PRDM16: variants seen among roughly 807,000 people sequenced by gnomAD.
The protein encoded by PRDM16 is histone-lysine N-methyltransferase PRDM16.
A neutral mutation model predicts 110.6 loss-of-function variants in PRDM16; 23 were observed. The ratio of observed to expected loss-of-function variants is 0.21; its 90% CI spans 0.15 to 0.29. The LOEUF (loss-of-function observed/expected upper bound fraction) is 0.29, where lower values mean the gene tolerates loss of function less well. Among genes scored for constraint, PRDM16 ranks in the 10% least tolerant of loss-of-function variants. The probability of loss-of-function intolerance (pLI) is 1.00; values close to 1 mark genes in which losing one functional copy is unlikely to be tolerated. For synonymous variants in PRDM16, 799 were observed against 781.8 expected, an observed-to-expected ratio of 1.02 and a Z score of -0.37; for missense variants, 1,615 against 1,794.3, an observed-to-expected ratio of 0.90 and a Z score of 1.81.
chr1:3,321,954 A>G (rs991273314), intron 3 of PRDM16, among the ~76,000 whole-genome samples: 9 of 149,738 alleles, frequency 6.0e-5, no homozygotes, highest in African/African-American at 2.0e-4. Flanking sequence ...GCATGCATGT[A>G]TGTACATGAG....
chr1:3,180,503 T>C (rs1308541424), intron 1 of PRDM16, among the ~76,000 whole-genome samples: 1 of 151,996 alleles, frequency 6.6e-6, no homozygotes, highest in Non-Finnish European at 1.5e-5. Context: ...CTTGGCCCCA[T>C]AGAGAGGTGT....
chr1:3,202,921 G>T (rs1638666749), intron 2 of PRDM16, among the ~76,000 whole-genome samples: 1 of 152,234 alleles, frequency 6.6e-6, no homozygotes, highest in Non-Finnish European at 1.5e-5. Context: ...AAGAGGTGCA[G>T]AGACGAAGAA....
At chr1:3,218,045 G>T (rs1268043156) in intron 2 of PRDM16, among the ~76,000 whole-genome samples, 1 of 152,244 alleles carries the variant, frequency 6.6e-6, no homozygotes, top group Non-Finnish European at 1.5e-5. Flanking sequence ...AGGCCCTGGG[G>T]CGAGCCCCTC....
chr1:3,425,477 G>C lies in PRDM16; in HGVS notation c.2940-104G>C. ...GACACGGCGGGGCAAAGCTGTGCAC[G>C]GGGCACGGGGCAGGGGCGCGGGCTC... On this transcript the variant is annotated intron_variant, in intron 12 of 16. Coordinates refer to ENST00000270722, the MANE Select transcript of PRDM16 (RefSeq NM_022114.4). The surrounding 1 kb of genome is among the most constrained non-coding windows in gnomAD (Gnocchi z 6.9). The C allele has an allele frequency of 5.5e-6, 7 of 1,268,306 alleles. No homozygotes were observed. The highest frequency in any genetic ancestry group is 7.7e-6 in the Non-Finnish European group (7 of 912,620). The allele number at this position is 1,268,306 out of a possible 1,614,324, so 78.6% of individuals were successfully genotyped here.
intron 1 of PRDM16, among the ~76,000 whole-genome samples, chr1:3,103,603 C>T (rs1466824124): frequency 6.6e-6 from 1 of 152,188 alleles, no homozygotes; most frequent in Admixed American, 6.5e-5. Context: ...GCAGAAACAC[C>T]TGTGGAGGGT....
chr1:3,417,320 C>T (rs1357511168), intron 10 of PRDM16, among the ~76,000 whole-genome samples: 3 of 152,212 alleles, frequency 2.0e-5, no homozygotes, highest in Non-Finnish European at 2.9e-5. Context: ...GTTCTGCAGG[C>T]CCACAATCTA....
intron 1 of PRDM16, among the ~76,000 whole-genome samples, chr1:3,136,147 G>A (rs1451852242): frequency 6.6e-6 from 1 of 152,168 alleles, no homozygotes; most frequent in East Asian, 1.9e-4. Context: ...GCCTCGCCAT[G>A]GGACCACCAG....
At chr1:3,388,661 T>TG (rs1172200730) in intron 4 of PRDM16, among the ~76,000 whole-genome samples, 1 of 152,236 alleles carries the variant, frequency 6.6e-6, no homozygotes, top group Non-Finnish European at 1.5e-5. Flanking sequence ...GATATTCAGA[T>TG]GGGGACCCAG....
rs2100359455 is a variant in PRDM16, at chr1:3,291,605, G to A, written c.438+47468G>A. ...ATCCCCTCTTGAAGGGGCCTCACCA[G>A]GCCATGGGCTCCCTATTAAGTAATC... On this transcript the variant is annotated intron_variant, in intron 3 of 16. Transcript: ENST00000270722. Among the ~76,000 whole-genome samples the A allele has an allele frequency of 2.0e-5, 3 of 152,328 alleles. No homozygotes were observed. The South Asian group carries it at 6.2e-4, about 32-fold the overall frequency.
chr1:3,279,719 A>G (rs954030863), intron 3 of PRDM16, among the ~76,000 whole-genome samples: 13 of 152,220 alleles, frequency 8.5e-5, no homozygotes, highest in Admixed American at 7.8e-4. Flanking sequence ...GGGATGGTGG[A>G]GGAAGGAAGG....
intron 3 of PRDM16, among the ~76,000 whole-genome samples, chr1:3,378,860 T>C (rs1057232139): frequency 1.3e-5 from 2 of 151,988 alleles, no homozygotes; most frequent in African/African-American, 4.8e-5. Context: ...AGAAAAGCAG[T>C]GGCTTCTGAA....
At chr1:3,134,041 G>C (rs542071005) in intron 1 of PRDM16, among the ~76,000 whole-genome samples, 3 of 152,346 alleles carry the variant, frequency 2.0e-5, no homozygotes, top group African/African-American at 7.2e-5. Flanking sequence ...AGCGCGTCCA[G>C]TTCAGGGAGC....
intron 3 of PRDM16, among the ~76,000 whole-genome samples, chr1:3,274,064 A>C (rs1247292881): frequency 6.6e-6 from 1 of 151,980 alleles, no homozygotes; most frequent in Non-Finnish European, 1.5e-5. Context: ...ATTTTTAACT[A>C]ATTGAGTACA....
chr1:3,329,392 G>T (rs536352498), intron 3 of PRDM16, among the ~76,000 whole-genome samples: 70 of 150,672 alleles, frequency 4.6e-4, no homozygotes, highest in Middle Eastern at 3.4e-3. Flanking sequence ...ACTGTGTCTC[G>T]CTATCCAGTT....
Position 3,290,616 on chromosome 1 carries a change from C to T in PRDM16, c.438+46479C>T, listed in dbSNP as rs2250291. On this transcript the variant is annotated intron_variant, in intron 3 of 16. Transcript: ENST00000270722. The surrounding 1 kb of genome is among the most constrained non-coding windows in gnomAD (Gnocchi z 4.8). ...GGCTCCGGCTCCGTCTGCAGGATCC[C>T]TCCCAGGACGCAGTGGTGGGCCCAG... Among the ~76,000 whole-genome samples the T allele has an allele frequency of 0.2, 30,593 of 152,124 alleles. 6,350 individuals are homozygous for T. Among genetic ancestry groups the T allele is most frequent in the African/African-American group, 0.52 (21,709 of 41,438 alleles).
At chr1:3,267,707 A>G (rs113134282) in intron 3 of PRDM16, among the ~76,000 whole-genome samples, 1,988 of 152,292 alleles carry the variant, frequency 0.013, 42 homozygotes, top group African/African-American at 0.045. Flanking sequence ...GGGTGATTCC[A>G]GCCCCTGCCC....
In PRDM16 at chr1:3,377,376, C is replaced by T. The variant is rs1021397401; in HGVS notation, c.439-7776C>T. ...TTCCCACCTGCACGCACACCCTGGA[C>T]GGGGCCGGCGGCTGGCCATGCCCAC... On this transcript the variant is annotated intron_variant, in intron 3 of 16. Coordinates refer to ENST00000270722, the MANE Select transcript of PRDM16 (RefSeq NM_022114.4). 1.5e-4 allele frequency among the ~76,000 whole-genome samples: 23 copies of T among 152,322 alleles called. 1 individual carries two copies. The highest frequency in any genetic ancestry group is 2.6e-4 in the Admixed American group (4 of 15,306).
chr1:3,370,206 C>T lies in PRDM16; in HGVS notation c.439-14946C>T, dbSNP rs371996570. On this transcript the variant is annotated intron_variant, in intron 3 of 16. Transcript: ENST00000270722. This position sits in a 1 kb window ranked among gnomAD's most constrained non-coding sequence, Gnocchi z 4.8. ...GCTTTGGGGAGACTGGCCACTGTGA[C>T]ACTGCACCTAGGGGAAAATTGCAAC... is the stretch of plus-strand genomic sequence containing the variant. Among the ~76,000 whole-genome samples, 1 of 152,120 alleles carries T rather than the reference C, an allele frequency of 6.6e-6. No individual in the cohort carries two copies. Among genetic ancestry groups the T allele is most frequent in the African/African-American group, 2.4e-5 (1 of 41,412 alleles).
chr1:3,242,706 A>G (rs1028750262), intron 2 of PRDM16, among the ~76,000 whole-genome samples: 11 of 152,180 alleles, frequency 7.2e-5, no homozygotes, highest in African/African-American at 1.2e-4. Context: ...CCAGCTCGTC[A>G]ATTGCACCTT....
Sources: allele counts gnomAD v4.1 joint callset (sites outside exome capture counted in the v4.1 genomes callset), GRCh38; gene constraint gnomAD v4.1.1; non-coding constraint Gnocchi (gnomAD v3.1); transcripts MANE v1.5; gene names NCBI Gene and HGNC (gene_info 2026-07-23, HGNC 2026-07-21).